ATF7IP2: variants seen among roughly 807,000 people sequenced by gnomAD.
The protein encoded by ATF7IP2 is activating transcription factor 7 interacting protein 2.
Under a neutral mutation model 64.2 loss-of-function variants are expected in ATF7IP2, and 42 were observed. The observed-to-expected ratio is 0.65, with a 90% confidence interval of 0.51 to 0.85. The LOEUF is 0.85. ATF7IP2 is among the 40% of genes least tolerant of loss of function. The pLI is 0.00. For missense variants in ATF7IP2, 933 were observed against 784.2 expected (o/e 1.19, Z -2.27); for synonymous variants, 308 against 272.8 (o/e 1.13, Z -1.27).
chr16:10,431,820 CTT>C (rs35046235), intron 5 of ATF7IP2, among the ~76,000 whole-genome samples: 6 of 113,296 alleles, frequency 5.3e-5, no homozygotes, highest in African/African-American at 2.1e-4. Context: ...AACCCTATTT[CTT>C]TTTTTTTTTT....
rs567131742 is a variant in ATF7IP2, at chr16:10,474,550, A to G, written c.1549+561A>G. ...ACTGGGGTATAACATGAAAATGTAG[A>G]CAGAGAGTGACAACAGTGTCTGTCG... On this transcript the variant is annotated intron_variant, in intron 12 of 13. Transcript: ENST00000562102. Among the ~76,000 whole-genome samples the G allele has an allele frequency of 1.2e-4, 19 of 152,330 alleles. 1 individual carries two copies. In the South Asian group the frequency reaches 3.5e-3, roughly 28 times the overall value.
chr16:10,423,541 C>T (rs1045689003), intron 3 of ATF7IP2, among the ~76,000 whole-genome samples: 8 of 152,148 alleles, frequency 5.3e-5, no homozygotes, highest in African/African-American at 1.9e-4. Context: ...TGAGAGCGGT[C>T]GCTCAAGGCA....
At chr16:10,449,531 T>G (rs2141975815) in intron 8 of ATF7IP2, 1 of 152,312 alleles carries the variant, frequency 6.6e-6, no homozygotes, top group East Asian at 1.9e-4. Context: ...GCTTTAGACT[T>G]GGGAGGGTGT....
chr16:10,476,813 A>G (rs748325557), intron 12 of ATF7IP2, among the ~76,000 whole-genome samples: 12 of 152,138 alleles, frequency 7.9e-5, no homozygotes, highest in Non-Finnish European at 1.6e-4. Context: ...AGCTCCATCC[A>G]TGTCCCTGCA....
intron 8 of ATF7IP2, among the ~76,000 whole-genome samples, chr16:10,442,046 G>A (rs191222736): frequency 2.1e-3 from 315 of 152,282 alleles, no homozygotes; most frequent in Admixed American, 4.7e-3. Flanking sequence ...AATTGGGGTC[G>A]GATTGCACAA....
chr16:10,399,175 T>G (rs1354652691), intron 1 of ATF7IP2, among the ~76,000 whole-genome samples: 1 of 152,214 alleles, frequency 6.6e-6, no homozygotes, highest in African/African-American at 2.4e-5. Flanking sequence ...AACAATATGC[T>G]GTATACTTGG....
Position 10,480,882 on chromosome 16 carries a change from G to C in ATF7IP2, c.1553G>C (p.Ser518Thr). The stretch of plus-strand genomic sequence containing the variant: ...TTAAACCTTGTGTTGTTCACAGAAA[G>C]TCCAGTATCCCCCCTGGAGTCACAT... Reference protein sequence around the residue: ...KEGLSNCNTESPVSPLESHSK... With the variant: ...KEGLSNCNTETPVSPLESHSK... Residue 518 changes from serine (S) to threonine (T), a missense_variant, in exon 13 of 14, where the codon AGT becomes ACT. Ser to Thr is a moderately conservative substitution (Grantham distance 58). Transcript: ENST00000562102. 6.2e-7 allele frequency: 1 copy of C among 1,606,680 alleles called. No homozygotes were observed. Among genetic ancestry groups the C allele is most frequent in the Admixed American group, 1.7e-5 (1 of 59,996 alleles).
intron 7 of ATF7IP2, among the ~76,000 whole-genome samples, chr16:10,439,779 C>T (rs1180476388): frequency 6.6e-6 from 1 of 151,316 alleles, no homozygotes; most frequent in East Asian, 2.0e-4. Flanking sequence ...AGTGATCTGC[C>T]CGCCTCGGCT....
intron 1 of ATF7IP2, among the ~76,000 whole-genome samples, chr16:10,393,315 CAAAAAAAAAAAA>C (rs58879332): frequency 2.6e-5 from 2 of 77,160 alleles, no homozygotes; most frequent in African/African-American, 5.2e-5. Context: ...GACTCTGTCT[CAAAAAAAAAAAA>C]AAAAAAAAAA....
intron 1 of ATF7IP2, among the ~76,000 whole-genome samples, chr16:10,409,513 C>CT (rs560403480): frequency 6.7e-4 from 99 of 148,282 alleles, no homozygotes; most frequent in African/African-American, 1.5e-3. Context: ...TTTATTGAGA[C>CT]TTTTTTTTTA....
chr16:10,478,652 A>G (rs545367811), intron 12 of ATF7IP2, among the ~76,000 whole-genome samples: 2 of 152,352 alleles, frequency 1.3e-5, no homozygotes, highest in Admixed American at 6.5e-5. Flanking sequence ...AAATTGACAA[A>G]TGGGATCTAC....
chr16:10,426,422 C>T (rs2048087038), intron 3 of ATF7IP2, among the ~76,000 whole-genome samples: 1 of 152,140 alleles, frequency 6.6e-6, no homozygotes, highest in South Asian at 2.1e-4. Flanking sequence ...ACTTGTCTCC[C>T]CTAAGCATTC....
intron 5 of ATF7IP2, 131 bp from the exon 6 acceptor site, chr16:10,433,394 T>G: frequency 1.4e-6 from 1 of 736,846 alleles, no homozygotes; most frequent in Non-Finnish European, 2.2e-6. Flanking sequence ...AGGCTGGTCT[T>G]GAACTCCTGG....
chr16:10,460,510 G>T (rs552106317), intron 9 of ATF7IP2, among the ~76,000 whole-genome samples: 1 of 152,156 alleles, frequency 6.6e-6, no homozygotes, highest in Non-Finnish European at 1.5e-5. Context: ...GCATGCGCTG[G>T]ACAAATAGAC....
chr16:10,409,733 C>G (rs1247633564), intron 1 of ATF7IP2, among the ~76,000 whole-genome samples: 2 of 152,194 alleles, frequency 1.3e-5, no homozygotes, highest in Non-Finnish European at 2.9e-5. Flanking sequence ...CCTCCTTGAT[C>G]CATCTTGAGT....
chr16:10,418,632 C>T (rs1437005794), intron 2 of ATF7IP2, among the ~76,000 whole-genome samples: 1 of 152,230 alleles, frequency 6.6e-6, no homozygotes, highest in Non-Finnish European at 1.5e-5. Context: ...CCTTCAAGCA[C>T]TCCAGTTCCT....
At chr16:10,388,993 C>G (rs2047266191) in intron 1 of ATF7IP2, among the ~76,000 whole-genome samples, 1 of 144,064 alleles carries the variant, frequency 6.9e-6, no homozygotes, top group South Asian at 2.2e-4. Flanking sequence ...TCCTGGGCGA[C>G]AGAGCAAGAC....
chr16:10,398,421 A>G (rs915364779), intron 1 of ATF7IP2, among the ~76,000 whole-genome samples: 2 of 152,208 alleles, frequency 1.3e-5, no homozygotes, highest in Admixed American at 1.3e-4. Flanking sequence ...TAGAAGTTCA[A>G]AAAAATTAAA....
chr16:10,400,901 C>T (rs936511567), intron 1 of ATF7IP2, among the ~76,000 whole-genome samples: 2 of 152,096 alleles, frequency 1.3e-5, no homozygotes, highest in African/African-American at 4.8e-5. Context: ...CCAGGCTGGT[C>T]TCGAACTCTT....
Sources: allele counts gnomAD v4.1 joint callset (sites outside exome capture counted in the v4.1 genomes callset), GRCh38; gene constraint gnomAD v4.1.1; transcripts MANE v1.5; gene names NCBI Gene and HGNC (gene_info 2026-07-23, HGNC 2026-07-21).